CCDC187: variants seen among roughly 807,000 people sequenced by gnomAD.
CCDC187 encodes the protein coiled-coil domain-containing protein 187.
Under a neutral mutation model 38.0 loss-of-function variants are expected in CCDC187, and 32 were observed. The ratio of observed to expected loss-of-function variants is 0.84; its 90% CI spans 0.64 to 1.13. The LOEUF (loss-of-function observed/expected upper bound fraction) is 1.13. Among genes scored for constraint, CCDC187 ranks in the 50% most tolerant of loss-of-function variants. The pLI is 0.00. For synonymous variants in CCDC187, 333 were observed against 347.9 expected, an observed-to-expected ratio of 0.96 and a Z score of 0.48; for missense variants, 707 against 786.8, an observed-to-expected ratio of 0.90 and a Z score of 1.21.
At chr9:136,298,416 G>T (rs1831588608) in intron 3 of CCDC187, among the ~76,000 whole-genome samples, 1 of 150,352 alleles carries the variant, frequency 6.7e-6, no homozygotes, top group Non-Finnish European at 1.5e-5. Flanking sequence ...AAGTCCCGCA[G>T]CGAGTGCAGC....
Position 136,291,401 on chromosome 9 carries a change from C to G in CCDC187, c.1212G>C (p.Arg404Ser), listed in dbSNP as rs1310737834. 1 of 399,038 alleles carries G rather than the reference C, an allele frequency of 2.5e-6. No homozygotes were observed. Among genetic ancestry groups the G allele is most frequent in the Non-Finnish European group, 4.4e-6 (1 of 226,360 alleles). The allele number at this position is 399,038 out of a possible 1,614,324, so 24.7% of individuals were successfully genotyped here. ...GGQELGPSKR[R>S]LQDVAGRGCC... ...AGCCCCTCCCTGCCACGTCCTGCAG[C>G]CTCCGCTTTGATGGCCCGAGCTCTT... Residue 404 changes from arginine (R) to serine (S), a missense_variant, in exon 6 of 26, where the codon AGG (arginine) becomes AGC (serine). By Grantham distance (110) the Arg-to-Ser change is moderately radical. Transcript: ENST00000638797.
chr9:136,265,362 G>A (rs1244256161), intron 17 of CCDC187, among the ~76,000 whole-genome samples: 3 of 152,298 alleles, frequency 2.0e-5, no homozygotes, highest in Non-Finnish European at 4.4e-5. Flanking sequence ...GTGCAGCCAC[G>A]GATGGAGACC....
intron 14 of CCDC187, among the ~76,000 whole-genome samples, chr9:136,268,816 C>T (rs1231960059): frequency 6.6e-6 from 1 of 152,080 alleles, no homozygotes; most frequent in Non-Finnish European, 1.5e-5. Context: ...CACAGTGATC[C>T]CTGAGAGACA....
Position 136,290,567 on chromosome 9 carries a change from G to C in CCDC187, c.2046C>G (p.Ala682=), listed in dbSNP as rs1014882950. The change falls in exon 6 of 26, where the codon GCC becomes GCG. Residue 682 remains alanine, a synonymous_variant. Coordinates refer to ENST00000638797, the MANE Select transcript of CCDC187 (RefSeq NM_001378188.1). ...LQEVYRQQRE[A]VLGRAVPVVS... ...CCACGGGGACCGCCCTGCCGAGGAC[G>C]GCCTCCCTCTGCTGCCGGTAGACCT... 389 of 399,008 alleles carry C rather than the reference G, an allele frequency of 9.7e-4. 2 individuals are homozygous for C. In the East Asian group the frequency reaches 0.013, roughly 13 times the overall value. The allele number at this position is 399,008 out of a possible 1,614,324, so 24.7% of individuals were successfully genotyped here.
At chr9:136,284,055 C>T (rs1039844986) in intron 9 of CCDC187, among the ~76,000 whole-genome samples, 7 of 152,168 alleles carry the variant, frequency 4.6e-5, no homozygotes, top group African/African-American at 1.7e-4. Context: ...GGAGAGGAAG[C>T]TGGTGGGGTT....
chr9:136,288,906 C>G (rs1225053485), intron 7 of CCDC187, among the ~76,000 whole-genome samples: 1 of 152,226 alleles, frequency 6.6e-6, no homozygotes, highest in Non-Finnish European at 1.5e-5. Context: ...AAGCTGCACA[C>G]AGAGGTGCAC....
chr9:136,305,990 G>A (rs952335813), upstream of CCDC187, among the ~76,000 whole-genome samples: 4 of 152,202 alleles, frequency 2.6e-5, no homozygotes, highest in Non-Finnish European at 4.4e-5. Context: ...GATGTTGTCC[G>A]TGCCACGGGG....
Position 136,254,000 on chromosome 9 carries a change from G to A in CCDC187, c.5828C>T (p.Ala1943Val). ...PEPETPVTLQ[A>V]PPGDPGRLAP... Reference sequence around the variant, plus strand: ...CAGCCTGCCTGGGTCCCCAGGAGGAGCCTGCAGGGTCACCGGGGTCTCGGG... The same window carrying A: ...CAGCCTGCCTGGGTCCCCAGGAGGAACCTGCAGGGTCACCGGGGTCTCGGG... The change falls in exon 26 of 26, where the codon GCT becomes GTT. Residue 1943 changes from alanine (A) to valine (V), a missense_variant. Ala to Val is a moderately conservative substitution (Grantham distance 64). Transcript: ENST00000638797. 2.0e-6 allele frequency: 2 copies of A among 977,888 alleles called. No individual in the cohort carries two copies. The highest frequency in any genetic ancestry group is 5.2e-4 in the Middle Eastern group (1 of 1,906). The allele number at this position is 977,888 out of a possible 1,614,324, so 60.6% of individuals were successfully genotyped here. A position where few individuals can be genotyped will look rare whatever the true frequency, so the allele number is the denominator to read the frequency against.
Position 136,291,332 on chromosome 9 carries a change from G to GAGAA in CCDC187, c.1280_1281insTTCT (p.Trp428SerfsTer16). On this transcript the variant is annotated frameshift_variant, in exon 6 of 26. Coordinates refer to ENST00000638797, the MANE Select transcript of CCDC187 (RefSeq NM_001378188.1). LOFTEE classifies it high-confidence loss of function. The stretch of plus-strand genomic sequence containing the variant: ...AATGCTTCCTCTCTGTCATGGCCCA[G>GAGAA]GGACTCTTAGAGAAGGAGCTCTGGG... 2 of 398,796 alleles carry GAGAA rather than the reference G, an allele frequency of 5.0e-6. No homozygotes were observed. Among genetic ancestry groups the GAGAA allele is most frequent in the Non-Finnish European group, 8.8e-6 (2 of 226,174 alleles). 24.7% of individuals were successfully genotyped at this position (398,796 alleles called of 1,614,324 possible).
chr9:136,256,317 C>A lies in CCDC187; in HGVS notation c.4510G>T (p.Ala1504Ser). The A allele has an allele frequency of 1.0e-6, 1 of 985,366 alleles. No homozygotes were observed. The highest frequency in any genetic ancestry group is 1.2e-6 in the Non-Finnish European group (1 of 829,842). The allele number at this position is 985,366 out of a possible 1,614,324, so 61.0% of individuals were successfully genotyped here. Residue 1504 changes from alanine (A) to serine (S), a missense_variant, in exon 24 of 26, where the codon GCT becomes TCT. Physicochemically the swap from Ala to Ser is moderately conservative, Grantham distance 99. Transcript: ENST00000638797. ...CCCTCTTCGCTCATGCTGTCCTCAG[C>A]CACCTGCTGGAGAGACGTTGCAGAA... is the stretch of plus-strand genomic sequence containing the variant. ...PCGPQEASQV[A>S]EDSMSEEGLE...
Position 136,254,781 on chromosome 9 carries a change from A to G in CCDC187, c.5047T>C (p.Trp1683Arg), listed in dbSNP as rs1830592926. 10 of 985,398 alleles carry G rather than the reference A, an allele frequency of 1.0e-5. No individual in the cohort carries two copies. Among genetic ancestry groups the G allele is most frequent in the Non-Finnish European group, 1.2e-5 (10 of 830,004 alleles). The allele number at this position is 985,398 out of a possible 1,614,324, so 61.0% of individuals were successfully genotyped here. A position where few individuals can be genotyped will look rare whatever the true frequency, so the allele number is the denominator to read the frequency against. Residue 1683 changes from tryptophan (W) to arginine (R), a missense_variant, in exon 26 of 26, where the codon TGG (tryptophan) becomes CGG (arginine). Transcript: ENST00000638797. ...SSGEAGLPLS[W>R]RSNQGEPRPG... ...CGAGGCTCACCCTGGTTTGACCGCC[A>G]GGACAAAGGCAGGCCAGCTTCCCCC... is the stretch of plus-strand genomic sequence containing the variant.
chr9:136,290,459 T>TC (rs1285450058), intron 6 of CCDC187, 27 bp downstream of exon 6: 12,880 of 397,502 alleles, frequency 0.032, 257 homozygotes, highest in East Asian at 0.054. Flanking sequence ...CTGAGCCGAG[T>TC]CCCCCCAACC....
Position 136,262,346 on chromosome 9 carries a change from G to A in CCDC187, c.4029C>T (p.Arg1343=). The A allele has an allele frequency of 1.0e-6, 1 of 986,944 alleles. No homozygotes were observed. The allele number at this position is 986,944 out of a possible 1,614,324, so 61.1% of individuals were successfully genotyped here. Residue 1343 remains arginine (R), a synonymous_variant, in exon 19 of 26, where the codon CGC becomes CGT. Coordinates refer to ENST00000638797, the MANE Select transcript of CCDC187 (RefSeq NM_001378188.1). The part of the protein sequence containing the change: ...PCRPSSSTSH[R]PQSSPASSKA... ...TTGAGCTTGCGGGGCTGCTCTGGGG[G>A]CGATGGCTGGTGGAGCTGCTGGGCC...
At chr9:136,276,353 G>C (rs1280038486) in intron 11 of CCDC187, 52 bp from the exon 12 acceptor site, 1 of 152,170 alleles carries the variant, frequency 6.6e-6, no homozygotes, top group African/African-American at 2.4e-5. Context: ...GCCAGGGAGG[G>C]TGGGCCCCTT....
chr9:136,280,485 C>A (rs914392232), intron 10 of CCDC187, among the ~76,000 whole-genome samples: 1 of 152,202 alleles, frequency 6.6e-6, no homozygotes, highest in Non-Finnish European at 1.5e-5. Flanking sequence ...CCCTCCCCTC[C>A]ATACACACAA....
intron 9 of CCDC187, among the ~76,000 whole-genome samples, chr9:136,284,380 G>A (rs1389703382): frequency 6.6e-6 from 1 of 152,182 alleles, no homozygotes. Context: ...CACGCATTGA[G>A]GGTGCACAGA....
rs1429918010 is a variant in CCDC187, at chr9:136,257,049, C to T, written c.4367-208G>A. Among the ~76,000 whole-genome samples, 1 of 152,222 alleles carries T rather than the reference C, an allele frequency of 6.6e-6. No homozygotes were observed. The highest frequency in any genetic ancestry group is 2.4e-5 in the African/African-American group (1 of 41,454). ...TCATTGGACAGTTAGTGATCAAAGT[C>T]CCAGCCAAAAGTTTAGAGAAAATTC... On this transcript the variant is annotated intron_variant, in intron 22 of 25. Transcript: ENST00000638797. This position sits in a 1 kb window ranked among gnomAD's most constrained non-coding sequence, Gnocchi z 4.5.
intron 10 of CCDC187, among the ~76,000 whole-genome samples, chr9:136,280,014 A>C (rs1831008301): frequency 6.6e-6 from 1 of 152,250 alleles, no homozygotes; most frequent in Admixed American, 6.5e-5. Context: ...CCCAGACTCC[A>C]GAACTGTGAG....
At chr9:136,291,679 G>T in intron 5 of CCDC187, 34 bp from the exon 6 acceptor site, 1 of 398,690 alleles carries the variant, frequency 2.5e-6, no homozygotes, top group South Asian at 1.3e-4. Context: ...GTGAGGAGGG[G>T]AGCGGAGGGG....
Sources: gnomAD v4.1 joint callset for allele counts (sites outside exome capture counted in the v4.1 genomes callset) on GRCh38, gnomAD v4.1.1 for gene constraint, Gnocchi (gnomAD v3.1) non-coding constraint, MANE v1.5 for transcripts, NCBI Gene and HGNC (gene_info 2026-07-23, HGNC 2026-07-21) for gene names.